Variants in PXN observed in about 807,000 individuals in gnomAD.
PXN encodes testicular tissue protein Li 134.
PXN carries 61 observed loss-of-function variants against 103.6 expected under a neutral mutation model. The observed-to-expected ratio is 0.59, with a 90% CI of 0.48 to 0.73. The LOEUF is 0.73. PXN is among the 30% of genes least tolerant of loss of function. The pLI is 0.00. For missense variants in PXN, 1,274 were observed against 1,460.3 expected (o/e 0.87, Z 2.08); for synonymous variants, 562 against 607.8 (o/e 0.92, Z 1.11).
At chr12:120,231,931 C>A (rs1888130428) in intron 1 of PXN, among the ~76,000 whole-genome samples, 1 of 152,264 alleles carries the variant, frequency 6.6e-6, no homozygotes, top group Non-Finnish European at 1.5e-5. Flanking sequence ...GCAGGTGAGA[C>A]AAGGCTGCCC....
At position 120,224,270 on chromosome 12, in the gene PXN, G is replaced by T; in HGVS notation, c.121C>A (p.Gln41Lys). The T allele has an allele frequency of 1.2e-6, 2 of 1,613,716 alleles. No homozygotes were observed. The highest frequency in any genetic ancestry group is 1.7e-6 in the Non-Finnish European group (2 of 1,179,646). The stretch of plus-strand genomic sequence containing the variant: ...ACGGGGGGTGGCACGGCAATCTCCT[G>T]GTATGTGTGGTTTCCAGTTGGGTAT... ...YSYPTGNHTYQEIAVPPPVPP... is the reference protein window; with the variant it reads ...YSYPTGNHTYKEIAVPPPVPP... The change falls in exon 2 of 15, where the codon CAG (glutamine) becomes AAG (lysine). Residue 41 changes from glutamine to lysine, a missense_variant. Coordinates refer to ENST00000637617, the MANE Select transcript of PXN (RefSeq NM_001385981.1). The surrounding 1 kb of genome is among the most constrained non-coding windows in gnomAD (Gnocchi z 5.0).
intron 1 of PXN, among the ~76,000 whole-genome samples, chr12:120,262,150 A>C (rs1473656009): frequency 6.6e-6 from 1 of 152,074 alleles, no homozygotes; most frequent in Non-Finnish European, 1.5e-5. Flanking sequence ...GCCCCAGGCA[A>C]CTCCTCTGCC....
Position 120,215,931 on chromosome 12 carries a change from G to C in PXN, c.2302-270C>G, listed in dbSNP as rs753790865. 5 of 1,385,916 alleles carry C rather than the reference G, an allele frequency of 3.6e-6. No individual in the cohort carries two copies. Among genetic ancestry groups the C allele is most frequent in the Middle Eastern group, 4.2e-4 (2 of 4,778 alleles). The allele number at this position is 1,385,916 out of a possible 1,614,324, so 85.9% of individuals were successfully genotyped here. A position where few individuals can be genotyped will look rare whatever the true frequency, so the allele number is the denominator to read the frequency against. On this transcript the variant is annotated intron_variant, in intron 9 of 14. Transcript: ENST00000637617. The surrounding 1 kb of genome is among the most constrained non-coding windows in gnomAD (Gnocchi z 4.9). ...CCGGGCTCAGTGATGAGGCCTCACC[G>C]GGCGCTGGGCCTGGGGGCTGGAAGG...
intron 1 of PXN, among the ~76,000 whole-genome samples, chr12:120,258,188 G>A (rs1381216666): frequency 4.9e-5 from 7 of 142,170 alleles, no homozygotes; most frequent in Non-Finnish European, 7.6e-5. Flanking sequence ...GTAAGACTCC[G>A]TCTCAAAAAA....
rs1013495876 is a variant in PXN, at chr12:120,225,913, T to C, written c.14-1536A>G. The C allele has an allele frequency of 6.5e-6, 2 of 305,408 alleles. No homozygotes were observed. Among genetic ancestry groups the C allele is most frequent in the Non-Finnish European group, 1.0e-5 (2 of 196,460 alleles). 18.9% of individuals were successfully genotyped at this position (305,408 alleles called of 1,614,324 possible). A position where few individuals can be genotyped will look rare whatever the true frequency, so the allele number is the denominator to read the frequency against. ...CTCAAGGCTGGCCACACCTACCCCA[T>C]GCTCCTGCCCAGATGGACAGAGGGG... On this transcript the variant is annotated intron_variant, in intron 1 of 14. Transcript: ENST00000637617. The surrounding 1 kb of genome is among the most constrained non-coding windows in gnomAD (Gnocchi z 4.4).
chr12:120,240,702 C>T (rs1364317059), intron 1 of PXN, among the ~76,000 whole-genome samples: 1 of 152,202 alleles, frequency 6.6e-6, no homozygotes, highest in African/African-American at 2.4e-5. Context: ...CCCCACAGTG[C>T]TCCCAATGAC....
chr12:120,253,205 G>A (rs145607994), intron 1 of PXN, among the ~76,000 whole-genome samples: 2 of 152,276 alleles, frequency 1.3e-5, no homozygotes, highest in East Asian at 3.9e-4. Flanking sequence ...AGGCATAGTG[G>A]CTCACGCCTG....
At position 120,215,630 on chromosome 12, in the gene PXN, T is replaced by TC; in HGVS notation, c.2332dup (p.Glu778GlyfsTer57). 10 of 1,611,944 alleles carry TC rather than the reference T, an allele frequency of 6.2e-6. No homozygotes were observed. Among genetic ancestry groups the TC allele is most frequent in the Non-Finnish European group, 7.6e-6 (9 of 1,179,300 alleles). On this transcript the variant is annotated frameshift_variant, in exon 10 of 15. Transcript: ENST00000637617. LOFTEE classifies it high-confidence loss of function. The surrounding 1 kb of genome is among the most constrained non-coding windows in gnomAD (Gnocchi z 4.9). ...AGGCCAGCCGGCCGCCCAGCACCGCTCCCCATCCGCTCTTTGCTCCAGGCC... is the reference window on the plus strand; with the variant it reads ...AGGCCAGCCGGCCGCCCAGCACCGCTCCCCCATCCGCTCTTTGCTCCAGGCC...
intron 1 of PXN, chr12:120,227,200 T>C (rs772880634): frequency 4.4e-5 from 43 of 973,438 alleles, no homozygotes; most frequent in Non-Finnish European, 5.0e-5. Context: ...AGCCTGTCTC[T>C]ACAAAAAATT....
chr12:120,223,786 A>G lies in PXN; in HGVS notation c.288T>C (p.Ser96=), dbSNP rs762843360. 11 of 1,610,554 alleles carry G rather than the reference A, an allele frequency of 6.8e-6. No homozygotes were observed. The highest frequency in any genetic ancestry group is 1.7e-5 in the Admixed American group (1 of 59,494). The part of the protein sequence containing the change: ...PVYGSSAKTS[S]VSNPQDSVGS... Reference sequence around the variant, plus strand: ...CAACACTGTCCTGAGGGTTGGAGACACTGGAAGTTTTGGCACTGGAGCCGT... The same window carrying G: ...CAACACTGTCCTGAGGGTTGGAGACGCTGGAAGTTTTGGCACTGGAGCCGT... Residue 96 remains serine (S), a synonymous_variant, in exon 3 of 15, where the codon AGT becomes AGC. Transcript: ENST00000637617.
chr12:120,252,640 C>T (rs1892372515), intron 1 of PXN, among the ~76,000 whole-genome samples: 1 of 152,018 alleles, frequency 6.6e-6, no homozygotes, highest in Admixed American at 6.6e-5. Context: ...ACAGAGAGTT[C>T]TTAGAATCCC....
At position 120,219,668 on chromosome 12, in the gene PXN, C is replaced by T. The variant is rs1002395824; in HGVS notation, c.1255G>A (p.Gly419Arg). The T allele has an allele frequency of 4.4e-6, 7 of 1,586,216 alleles. No individual in the cohort carries two copies. The highest frequency in any genetic ancestry group is 2.7e-5 in the African/African-American group (2 of 74,560). The change falls in exon 7 of 15, where the codon GGG becomes AGG. Residue 419 changes from glycine to arginine, a missense_variant. Physicochemically the swap from Gly to Arg is moderately radical, Grantham distance 125. This residue lies in a region of PXN where 1,178 missense variants were observed against 1,309.0 expected (regional missense o/e 0.90). Coordinates refer to ENST00000637617, the MANE Select transcript of PXN (RefSeq NM_001385981.1). This position sits in a 1 kb window ranked among gnomAD's most constrained non-coding sequence, Gnocchi z 6.5. ...GGGCACGAAGGGCTGGCTGGTGGCC[C>T]CTGGGGCTCCCCAGGCTCTTGGAGA... ...TALQEPGEPQ[G>R]PPASPSCPEE...
intron 1 of PXN, among the ~76,000 whole-genome samples, chr12:120,252,859 G>A (rs67780111): frequency 0.028 from 4,196 of 152,068 alleles, 156 homozygotes; most frequent in African/African-American, 0.076. Context: ...TTAGATGGGC[G>A]TGGTGGCGGG....
At position 120,211,723 on chromosome 12, in the gene PXN, C is replaced by A. The variant is rs936722747; in HGVS notation, c.*591G>T. On this transcript the variant is annotated 3_prime_UTR_variant, in exon 15 of 15. Transcript: ENST00000637617. ...CAAGAGCAGGTATAAAAGGGGAGGG[C>A]GGGTCTAAAAGGCAGGGGCAGTCGC... is the stretch of plus-strand genomic sequence containing the variant. 3 of 343,782 alleles carry A rather than the reference C, an allele frequency of 8.7e-6. No homozygotes were observed. The highest frequency in any genetic ancestry group is 7.6e-5 in the Admixed American group (2 of 26,446). The allele number at this position is 343,782 out of a possible 1,614,324, so 21.3% of individuals were successfully genotyped here.
At chr12:120,230,755 G>A (rs1342450932) in intron 1 of PXN, among the ~76,000 whole-genome samples, 2 of 151,932 alleles carry the variant, frequency 1.3e-5, no homozygotes, top group African/African-American at 2.4e-5. Context: ...ATGGTGAGCT[G>A]GGTATATTTA....
At position 120,216,158 on chromosome 12, in the gene PXN, TGGAG is replaced by T. The variant is rs1236612820; in HGVS notation, c.2301+111_2301+114del. 11 of 1,264,344 alleles carry T rather than the reference TGGAG, an allele frequency of 8.7e-6. No individual in the cohort carries two copies. The highest frequency in any genetic ancestry group is 1.1e-5 in the Non-Finnish European group (11 of 1,007,142). 78.3% of individuals were successfully genotyped at this position (1,264,344 alleles called of 1,614,324 possible). On this transcript the variant is annotated intron_variant, in intron 9 of 14. Coordinates refer to ENST00000637617, the MANE Select transcript of PXN (RefSeq NM_001385981.1). The surrounding 1 kb of genome is among the most constrained non-coding windows in gnomAD (Gnocchi z 5.1). ...TGGTTACTGTGCTGGGGCTTGTAGA[TGGAG>T]GGATGGAGGGTATCTGTGTATGTGT...
intron 1 of PXN, among the ~76,000 whole-genome samples, chr12:120,236,859 C>CA (rs1889162728): frequency 6.6e-6 from 1 of 151,950 alleles, no homozygotes; most frequent in Admixed American, 6.6e-5. Context: ...GGCTGGAGTG[C>CA]AGTGGTGTGA....
Position 120,216,513 on chromosome 12 carries a change from G to T in PXN, c.2061C>A (p.Val687=). ...RTISVLASPS[V]PLLQHRTDAA... is the part of the protein sequence containing the mutation. The stretch of plus-strand genomic sequence containing the variant: ...CGTCTGTGCGATGCTGGAGCAAAGG[G>T]ACAGAAGGAGAAGCCAGGACAGAGA... The change falls in exon 9 of 15, where the codon GTC becomes GTA. Residue 687 remains valine (V), a synonymous_variant. Coordinates refer to ENST00000637617, the MANE Select transcript of PXN (RefSeq NM_001385981.1). The surrounding 1 kb of genome is among the most constrained non-coding windows in gnomAD (Gnocchi z 5.1). 1 of 1,398,306 alleles carries T rather than the reference G, an allele frequency of 7.2e-7. No individual in the cohort carries two copies. Among genetic ancestry groups the T allele is most frequent in the Non-Finnish European group, 9.2e-7 (1 of 1,084,994 alleles). The allele number at this position is 1,398,306 out of a possible 1,614,324, so 86.6% of individuals were successfully genotyped here.
At chr12:120,251,826 T>C (rs563470845) in intron 1 of PXN, among the ~76,000 whole-genome samples, 53 of 151,930 alleles carry the variant, frequency 3.5e-4, no homozygotes, top group African/African-American at 1.2e-3. Flanking sequence ...CAAAAATAAA[T>C]AAACAAACAA....
Sources: allele counts gnomAD v4.1 joint callset (sites outside exome capture counted in the v4.1 genomes callset), GRCh38; gene constraint gnomAD v4.1.1; regional missense constraint gnomAD v4.1.1; non-coding constraint Gnocchi (gnomAD v3.1); transcripts MANE v1.5; gene names NCBI Gene and HGNC (gene_info 2026-07-23, HGNC 2026-07-21).